The following QTMAN variants were observed in gnomAD, a reference collection of about 807,000 sequenced individuals.
The protein encoded by QTMAN is tRNA-queuosine alpha-mannosyltransferase.
the QTMAN span, among the ~76,000 whole-genome samples, chr2:144,288,516 G>A: frequency 1.3e-5 from 2 of 152,140 alleles, no homozygotes; most frequent in African/African-American, 4.8e-5. Context: ...AAACGTTAAA[G>A]CACACTGGTT....
At chr2:144,019,864 A>G in the QTMAN span, among the ~76,000 whole-genome samples, 1 of 152,208 alleles carries the variant, frequency 6.6e-6, no homozygotes, top group African/African-American at 2.4e-5. Context: ...CTTTCTCTGG[A>G]AACTAACTAA....
chr2:144,108,703 C>A, the QTMAN span, among the ~76,000 whole-genome samples: 4 of 146,102 alleles, frequency 2.7e-5, no homozygotes, highest in East Asian at 7.7e-4. Flanking sequence ...TGATAAGCAA[C>A]TTCAGCAAAG....
At chr2:144,312,638 G>A in the QTMAN span, among the ~76,000 whole-genome samples, 4 of 152,164 alleles carry the variant, frequency 2.6e-5, no homozygotes, top group African/African-American at 4.8e-5. Flanking sequence ...ATATGGTTAG[G>A]CTTTGTGTCC....
the QTMAN span, among the ~76,000 whole-genome samples, chr2:144,292,769 A>G: frequency 6.6e-6 from 1 of 152,350 alleles, no homozygotes; most frequent in East Asian, 1.9e-4. Flanking sequence ...ATTGAAACAG[A>G]AAGAAGAAAT....
At chr2:144,189,601 T>G in the QTMAN span, among the ~76,000 whole-genome samples, 12 of 152,094 alleles carry the variant, frequency 7.9e-5, no homozygotes, top group Non-Finnish European at 1.2e-4. Flanking sequence ...CCTGGGAGAC[T>G]GCCTTCTCTT....
At chr2:144,097,848 C>T in the QTMAN span, among the ~76,000 whole-genome samples, 1 of 152,204 alleles carries the variant, frequency 6.6e-6, no homozygotes, top group Admixed American at 6.5e-5. Flanking sequence ...AGTTCCTCAT[C>T]TTTTCCTTCA....
At chr2:144,215,795 T>C in the QTMAN span, among the ~76,000 whole-genome samples, 3 of 152,334 alleles carry the variant, frequency 2.0e-5, no homozygotes, top group Admixed American at 2.0e-4. Flanking sequence ...ATTTAAAGTA[T>C]CGCATTGCCC....
chr2:144,179,772 A>T, the QTMAN span, among the ~76,000 whole-genome samples: 1 of 152,320 alleles, frequency 6.6e-6, no homozygotes, highest in Non-Finnish European at 1.5e-5. Flanking sequence ...GCTAAATTTT[A>T]ATAAATAAGG....
the QTMAN span, among the ~76,000 whole-genome samples, chr2:144,284,933 CTTTT>C: frequency 4.7e-5 from 6 of 128,390 alleles, no homozygotes; most frequent in African/African-American, 2.9e-5. Context: ...GGAGGCCAAA[CTTTT>C]TTTTTTTTTT....
chr2:144,219,599 T>C, the QTMAN span, among the ~76,000 whole-genome samples: 6 of 152,054 alleles, frequency 3.9e-5, no homozygotes, highest in Non-Finnish European at 5.9e-5. Context: ...GGTAGGCGGA[T>C]TGCTTGAGTC....
At chr2:143,958,895 A>G in the QTMAN span, among the ~76,000 whole-genome samples, 1 of 151,674 alleles carries the variant, frequency 6.6e-6, no homozygotes, top group South Asian at 2.1e-4. Context: ...GGATAAAGTT[A>G]AATACCAATT....
the QTMAN span, among the ~76,000 whole-genome samples, chr2:144,002,029 A>AT: frequency 6.6e-6 from 1 of 152,040 alleles, no homozygotes; most frequent in African/African-American, 2.4e-5. Context: ...AAGGATAACT[A>AT]AAGATGTAAT....
At chr2:144,077,139 G>A in the QTMAN span, among the ~76,000 whole-genome samples, 1 of 151,694 alleles carries the variant, frequency 6.6e-6, no homozygotes. Flanking sequence ...CTCACTAAAT[G>A]TATTTCACTA....
the QTMAN span, among the ~76,000 whole-genome samples, chr2:144,192,647 T>C: frequency 6.6e-6 from 1 of 152,222 alleles, no homozygotes; most frequent in Non-Finnish European, 1.5e-5. Context: ...AAAACTAATT[T>C]ACATAAGATC....
At chr2:144,303,835 A>G in the QTMAN span, among the ~76,000 whole-genome samples, 1 of 152,206 alleles carries the variant, frequency 6.6e-6, no homozygotes, top group African/African-American at 2.4e-5. Context: ...GGGAAACCCT[A>G]TGATTGCACC....
chr2:144,040,467 G>A, the QTMAN span, among the ~76,000 whole-genome samples: 1 of 152,000 alleles, frequency 6.6e-6, no homozygotes, highest in African/African-American at 2.4e-5. Context: ...GGAGGTCTAG[G>A]ACTATAAGTT....
the QTMAN span, among the ~76,000 whole-genome samples, chr2:144,034,958 TC>T: frequency 6.6e-6 from 1 of 152,234 alleles, no homozygotes; most frequent in Non-Finnish European, 1.5e-5. Context: ...CTTAGCCATA[TC>T]CTCTAGTAAT....
the QTMAN span, among the ~76,000 whole-genome samples, chr2:144,092,868 GGGGTGTGTGT>G: frequency 3.9e-3 from 345 of 89,486 alleles, 2 homozygotes; most frequent in East Asian, 0.011. Context: ...ATAAACTTTT[GGGGTGTGTGT>G]GTGTGTGTGT....
chr2:143,972,054 A>C, the QTMAN span, among the ~76,000 whole-genome samples: 1 of 152,172 alleles, frequency 6.6e-6, no homozygotes, highest in Non-Finnish European at 1.5e-5. Context: ...AGTTCAAATA[A>C]TAAAGAATGC....
Sources: gnomAD v4.1 joint callset for allele counts (sites outside exome capture counted in the v4.1 genomes callset) on GRCh38, gnomAD v4.1.1 for gene constraint, MANE v1.5 for transcripts, NCBI Gene and HGNC (gene_info 2026-07-23, HGNC 2026-07-21) for gene names.